Variants in PDE10A observed in about 807,000 individuals in gnomAD.
PDE10A encodes cAMP and cAMP-inhibited cGMP 3',5'-cyclic phosphodiesterase 10A.
PDE10A carries 39 observed loss-of-function variants against 97.7 expected under a neutral mutation model. The observed-to-expected ratio is 0.40, with a 90% CI of 0.31 to 0.52. The LOEUF (loss-of-function observed/expected upper bound fraction) is 0.52, where lower values mean the gene tolerates loss of function less well. PDE10A is among the 20% of genes least tolerant of loss of function. The pLI is 0.56. For missense variants in PDE10A, 731 were observed against 1,047.8 expected (o/e 0.70, Z 4.17); for synonymous variants, 371 against 376.8 (o/e 0.98, Z 0.18).
chr6:165,341,397 C>A (rs1023197658), intron 19 of PDE10A, among the ~76,000 whole-genome samples: 1 of 152,194 alleles, frequency 6.6e-6, no homozygotes, highest in Non-Finnish European at 1.5e-5. Context: ...AATGACTGCA[C>A]ATTTTCTACA....
intron 1 of PDE10A, among the ~76,000 whole-genome samples, chr6:165,790,613 C>CG (rs779151998): frequency 2.6e-4 from 39 of 152,136 alleles, no homozygotes; most frequent in African/African-American, 9.2e-4. Context: ...TGACACTGGA[C>CG]GGTTTATCAG....
intron 2 of PDE10A, among the ~76,000 whole-genome samples, chr6:165,506,847 A>G (rs528873729): frequency 2.0e-5 from 3 of 152,266 alleles, no homozygotes; most frequent in East Asian, 1.9e-4. Flanking sequence ...AAATACTGCC[A>G]TAACAATCAA....
chr6:165,734,107 G>A (rs1487348064), intron 1 of PDE10A, among the ~76,000 whole-genome samples: 2 of 152,170 alleles, frequency 1.3e-5, no homozygotes, highest in African/African-American at 4.8e-5. Flanking sequence ...CCCATCTGCT[G>A]GAAGAGAGAG....
In PDE10A at chr6:165,388,506, G is replaced by A; in HGVS notation, c.2455-53C>T. 5 of 1,518,734 alleles carry A rather than the reference G, an allele frequency of 3.3e-6. No homozygotes were observed. Among genetic ancestry groups the A allele is most frequent in the Non-Finnish European group, 4.6e-6 (5 of 1,096,848 alleles). The allele number at this position is 1,518,734 out of a possible 1,614,324, so 94.1% of individuals were successfully genotyped here. A position where few individuals can be genotyped will look rare whatever the true frequency, so the allele number is the denominator to read the frequency against. ...GCTCAAAACACAGAAACACACATGA[G>A]CAGACTTACCGCTTACATTCATGTC... On this transcript the variant is annotated intron_variant, in intron 16 of 21. Coordinates refer to ENST00000539869, the MANE Select transcript of PDE10A (RefSeq NM_001385079.1). This position sits in a 1 kb window ranked among gnomAD's most constrained non-coding sequence, Gnocchi z 4.0.
intron 7 of PDE10A, among the ~76,000 whole-genome samples, chr6:165,432,427 G>A (rs755810384): frequency 7.2e-5 from 11 of 152,188 alleles, no homozygotes; most frequent in African/African-American, 9.6e-5. Flanking sequence ...TGGCTGGAGC[G>A]AGTGAGGGAC....
intron 2 of PDE10A, among the ~76,000 whole-genome samples, chr6:165,506,080 G>T (rs9457099): frequency 6.6e-6 from 1 of 151,818 alleles, no homozygotes; most frequent in Non-Finnish European, 1.5e-5. Context: ...GTCTTTTCCC[G>T]CTTTTTTCCA....
At chr6:165,449,366 C>T (rs1029710822) in intron 4 of PDE10A, among the ~76,000 whole-genome samples, 14 of 152,026 alleles carry the variant, frequency 9.2e-5, no homozygotes, top group African/African-American at 3.4e-4. Context: ...TAAGTATCAA[C>T]CCAAAAAGCT....
chr6:165,893,694 G>A (rs921933679), intron 1 of PDE10A, among the ~76,000 whole-genome samples: 33 of 152,030 alleles, frequency 2.2e-4, no homozygotes, highest in East Asian at 1.5e-3. Context: ...CCACATATTC[G>A]TATATTCTCA....
At chr6:165,980,396 CT>C (rs928396877) in intron 1 of PDE10A, among the ~76,000 whole-genome samples, 1 of 151,514 alleles carries the variant, frequency 6.6e-6, no homozygotes, top group African/African-American at 2.4e-5. Context: ...CTTATGAAAG[CT>C]TTATTTATTT....
At chr6:165,875,630 T>G (rs1373054747) in intron 1 of PDE10A, among the ~76,000 whole-genome samples, 1 of 152,124 alleles carries the variant, frequency 6.6e-6, no homozygotes, top group South Asian at 2.1e-4. Context: ...TTCTTGAGAG[T>G]ATACATTTAG....
At chr6:165,426,531 G>A (rs1789179941) in intron 10 of PDE10A, among the ~76,000 whole-genome samples, 1 of 152,074 alleles carries the variant, frequency 6.6e-6, no homozygotes, top group African/African-American at 2.4e-5. Flanking sequence ...ACTCTTAGAA[G>A]AAAATATCTG....
intron 1 of PDE10A, among the ~76,000 whole-genome samples, chr6:165,769,539 T>C (rs752031386): frequency 2.6e-5 from 4 of 152,188 alleles, no homozygotes; most frequent in Non-Finnish European, 4.4e-5. Context: ...AAAGAATGTA[T>C]GCAGACTTCT....
intron 18 of PDE10A, among the ~76,000 whole-genome samples, chr6:165,348,018 G>A (rs113643606): frequency 3.9e-5 from 6 of 152,218 alleles, no homozygotes; most frequent in African/African-American, 1.2e-4. Context: ...TGACGTGCAC[G>A]TACCTGTACC....
intron 19 of PDE10A, among the ~76,000 whole-genome samples, chr6:165,341,816 C>T (rs114146430): frequency 2.6e-5 from 4 of 152,162 alleles, no homozygotes; most frequent in African/African-American, 9.7e-5. Context: ...TATGCAAGAA[C>T]CACGAGAGAT....
intron 18 of PDE10A, among the ~76,000 whole-genome samples, chr6:165,377,976 A>G (rs1262867823): frequency 6.6e-6 from 1 of 152,172 alleles, no homozygotes; most frequent in Admixed American, 6.5e-5. Flanking sequence ...ATATCTTTGT[A>G]TTGTTTTTCT....
chr6:165,448,808 A>G, intron 5 of PDE10A, 120 bp downstream of exon 5: 1 of 648,528 alleles, frequency 1.5e-6, no homozygotes, highest in East Asian at 2.7e-5. Context: ...TAGAAACAAA[A>G]CACAAAATGA....
intron 1 of PDE10A, among the ~76,000 whole-genome samples, chr6:165,741,246 A>G (rs1489979058): frequency 6.6e-6 from 1 of 152,190 alleles, no homozygotes; most frequent in Non-Finnish European, 1.5e-5. Flanking sequence ...CATCTTAAAT[A>G]TATACAAACT....
At chr6:165,717,817 T>C (rs1792062916) in intron 1 of PDE10A, among the ~76,000 whole-genome samples, 1 of 152,196 alleles carries the variant, frequency 6.6e-6, no homozygotes, top group East Asian at 1.9e-4. Flanking sequence ...GCCATCCTCA[T>C]GGGTGGGGAG....
rs899510014 is a variant in PDE10A, at chr6:165,343,440, G to C, written c.2846C>G (p.Pro949Arg). ...ATCATTTGCCGTCAATTTTGTAACGGGCCACAGTTTTGTCACAGAACAAAG... is the reference window on the plus strand; with the variant it reads ...ATCATTTGCCGTCAATTTTGTAACGCGCCACAGTTTTGTCACAGAACAAAG... Reference protein sequence around the residue: ...CDLCSVTKLWPVTKLTANDIY... With the variant: ...CDLCSVTKLWRVTKLTANDIY... The change falls in exon 19 of 22, where the codon CCC (proline) becomes CGC (arginine). Residue 949 changes from proline to arginine, a missense_variant. Around this residue, in one of 8 missense-constraint regions of PDE10A, gnomAD observed 96 missense variants for 156.7 expected, o/e 0.61. Transcript: ENST00000539869. 3 of 1,613,866 alleles carry C rather than the reference G, an allele frequency of 1.9e-6. No individual in the cohort carries two copies. The highest frequency in any genetic ancestry group is 2.5e-6 in the Non-Finnish European group (3 of 1,179,932).
Sources: gnomAD v4.1 joint callset for allele counts (sites outside exome capture counted in the v4.1 genomes callset) on GRCh38, gnomAD v4.1.1 for gene constraint, gnomAD v4.1.1 regional missense constraint, Gnocchi (gnomAD v3.1) non-coding constraint, MANE v1.5 for transcripts, NCBI Gene and HGNC (gene_info 2026-07-23, HGNC 2026-07-21) for gene names.